ATP2B2: variants seen among roughly 807,000 people sequenced by gnomAD.
ATP2B2 encodes the protein plasma membrane calcium-transporting ATPase 2.
ATP2B2 carries 15 observed loss-of-function variants against 120.0 expected under a neutral mutation model. The ratio of observed to expected loss-of-function variants is 0.12; its 90% CI spans 0.08 to 0.19. ATP2B2 has a LOEUF of 0.19. Among genes scored for constraint, ATP2B2 ranks in the 10% least tolerant of loss-of-function variants. ATP2B2 has a pLI of 1.00. For missense variants in ATP2B2, 1,045 were observed against 1,719.8 expected (o/e 0.61, Z 6.94); for synonymous variants, 694 against 700.3 (o/e 0.99, Z 0.14).
Position 10,649,600 on chromosome 3 carries a change from G to T in ATP2B2, c.-459-29639C>A, listed in dbSNP as rs1423517384. Among the ~76,000 whole-genome samples, 3 of 152,172 alleles carry T rather than the reference G, an allele frequency of 2.0e-5. No individual in the cohort carries two copies. In the South Asian group the frequency reaches 6.2e-4, roughly 32 times the overall value. On this transcript the variant is annotated intron_variant, in intron 1 of 21. Transcript: ENST00000646379. ...TCTGACCTCAGCTCAGGAAGGGAGGGGATGAGATGGATGGGTGAATGGACA... is the reference window on the plus strand; with the variant it reads ...TCTGACCTCAGCTCAGGAAGGGAGGTGATGAGATGGATGGGTGAATGGACA...
intron 2 of ATP2B2, among the ~76,000 whole-genome samples, chr3:10,560,847 C>T (rs1341038369): frequency 3.9e-5 from 6 of 152,190 alleles, no homozygotes; most frequent in African/African-American, 9.7e-5. Context: ...TCCCCAGCCC[C>T]TCACAGCACC....
intron 3 of ATP2B2, among the ~76,000 whole-genome samples, chr3:10,403,789 A>AC (rs1434953241): frequency 6.6e-6 from 1 of 152,184 alleles, no homozygotes; most frequent in African/African-American, 2.4e-5. Context: ...CTGTTCAGAG[A>AC]GAAGCAGAGA....
At chr3:10,422,151 C>T (rs1171754711) in intron 2 of ATP2B2, among the ~76,000 whole-genome samples, 4 of 152,162 alleles carry the variant, frequency 2.6e-5, no homozygotes, top group Non-Finnish European at 5.9e-5. Flanking sequence ...AGGAAACCTC[C>T]CCTGGCTCCT....
intron 3 of ATP2B2, among the ~76,000 whole-genome samples, chr3:10,517,005 G>T (rs1182771867): frequency 6.6e-6 from 1 of 151,896 alleles, no homozygotes; most frequent in African/African-American, 2.4e-5. Context: ...AAAGCCACAG[G>T]CATGCTATTT....
At chr3:10,656,472 C>T (rs1000017550) in intron 1 of ATP2B2, among the ~76,000 whole-genome samples, 4 of 152,178 alleles carry the variant, frequency 2.6e-5, no homozygotes, top group African/African-American at 9.7e-5. Context: ...ACTCAGAGGA[C>T]GATGTCCAAA....
chr3:10,371,983 G>A lies in ATP2B2; in HGVS notation c.1485C>T (p.Ala495=). Residue 495 remains alanine, a synonymous_variant, in exon 12 of 23, where the codon GCC becomes GCT. Coordinates refer to ENST00000360273, the MANE Select transcript of ATP2B2 (RefSeq NM_001001331.4). ...DACETMGNAT[A]ICSDKTGTLT... Reference sequence around the variant, plus strand: ...GCGTGCCTGTCTTGTCTGAGCAGATGGCTGTGGCATTGCCCATGGTCTCAC... The same window carrying A: ...GCGTGCCTGTCTTGTCTGAGCAGATAGCTGTGGCATTGCCCATGGTCTCAC... The A allele has an allele frequency of 6.2e-7, 1 of 1,614,228 alleles. No homozygotes were observed. Among genetic ancestry groups the A allele is most frequent in the Non-Finnish European group, 8.5e-7 (1 of 1,180,044 alleles).
At chr3:10,425,136 A>G (rs1020784637) in intron 2 of ATP2B2, among the ~76,000 whole-genome samples, 1 of 147,694 alleles carries the variant, frequency 6.8e-6, no homozygotes, top group Non-Finnish European at 1.5e-5. Flanking sequence ...ACTAAAATAT[A>G]TATATATACG....
chr3:10,365,979 C>T (rs2061044039), intron 12 of ATP2B2, among the ~76,000 whole-genome samples: 1 of 149,940 alleles, frequency 6.7e-6, no homozygotes, highest in Non-Finnish European at 1.5e-5. Context: ...CGGTGTTCGC[C>T]AAAAAAACCA....
At chr3:10,584,252 G>C (rs2068456568) in intron 2 of ATP2B2, among the ~76,000 whole-genome samples, 1 of 152,206 alleles carries the variant, frequency 6.6e-6, no homozygotes, top group Non-Finnish European at 1.5e-5. Context: ...GGCAGGAATG[G>C]GGACCAGGAG....
At chr3:10,355,070 A>G (rs703907) in intron 14 of ATP2B2, among the ~76,000 whole-genome samples, 20,275 of 151,496 alleles carry the variant, frequency 0.13, 1,837 homozygotes, top group East Asian at 0.4. Flanking sequence ...GGCAGGAATG[A>G]CCTACCTAAA....
chr3:10,651,761 ATG>A (rs2070472016), intron 1 of ATP2B2, among the ~76,000 whole-genome samples: 1 of 151,836 alleles, frequency 6.6e-6, no homozygotes, highest in Non-Finnish European at 1.5e-5. Context: ...GGATGGATGG[ATG>A]GATGGATGGA....
At chr3:10,458,684 G>A (rs2064362412) in intron 1 of ATP2B2, among the ~76,000 whole-genome samples, 1 of 151,716 alleles carries the variant, frequency 6.6e-6, no homozygotes, top group South Asian at 2.1e-4. Context: ...TTTGATCTTG[G>A]TGTGATGACT....
In ATP2B2 at chr3:10,410,818, G is replaced by T; in HGVS notation, c.200-3C>A. On this transcript the variant is annotated splice_region_variant and splice_polypyrimidine_tract_variant and intron_variant, in intron 2 of 22. Coordinates refer to ENST00000360273, the MANE Select transcript of ATP2B2 (RefSeq NM_001001331.4). Reference sequence around the variant, plus strand: ...GTCTGGAGCGGTGCCCGGCAAACCTGTGGACAGAGAACAGAGAGGTTGGCT... The same window carrying T: ...GTCTGGAGCGGTGCCCGGCAAACCTTTGGACAGAGAACAGAGAGGTTGGCT... 1 of 1,613,502 alleles carries T rather than the reference G, an allele frequency of 6.2e-7. No individual in the cohort carries two copies. The highest frequency in any genetic ancestry group is 8.5e-7 in the Non-Finnish European group (1 of 1,180,022).
At chr3:10,612,433 GCCTGGGGAC>G (rs1486142602) in intron 2 of ATP2B2, among the ~76,000 whole-genome samples, 1 of 152,052 alleles carries the variant, frequency 6.6e-6, no homozygotes, top group African/African-American at 2.4e-5. Flanking sequence ...CAAAGCACTT[GCCTGGGGAC>G]CCCTGCGTAC....
chr3:10,436,729 G>C (rs2063491765), intron 2 of ATP2B2, among the ~76,000 whole-genome samples: 1 of 152,210 alleles, frequency 6.6e-6, no homozygotes, highest in African/African-American at 2.4e-5. Flanking sequence ...ATGCTGCCCA[G>C]TCAGCTTCTG....
intron 1 of ATP2B2, among the ~76,000 whole-genome samples, chr3:10,623,604 A>T (rs1348040197): frequency 6.6e-6 from 1 of 152,198 alleles, no homozygotes; most frequent in Non-Finnish European, 1.5e-5. Context: ...TCAGGGACTA[A>T]TCTCCTTGGG....
At chr3:10,436,812 C>T (rs914115667) in intron 2 of ATP2B2, among the ~76,000 whole-genome samples, 7 of 152,216 alleles carry the variant, frequency 4.6e-5, no homozygotes, top group Admixed American at 6.5e-5. Context: ...AAAGAACCAT[C>T]ACCCCAGTCT....
chr3:10,460,623 T>C (rs2064448539), intron 1 of ATP2B2, among the ~76,000 whole-genome samples: 1 of 152,174 alleles, frequency 6.6e-6, no homozygotes, highest in Non-Finnish European at 1.5e-5. Context: ...TTAGTGCTGA[T>C]GCTCAAAGCC....
intron 2 of ATP2B2, among the ~76,000 whole-genome samples, chr3:10,422,298 C>T (rs2063007195): frequency 6.6e-6 from 1 of 152,244 alleles, no homozygotes; most frequent in African/African-American, 2.4e-5. Flanking sequence ...TGTGGGAAAA[C>T]AGCTTGTGTT....
Sources: gnomAD v4.1 joint callset for allele counts (sites outside exome capture counted in the v4.1 genomes callset) on GRCh38, gnomAD v4.1.1 for gene constraint, MANE v1.5 for transcripts, NCBI Gene and HGNC (gene_info 2026-07-23, HGNC 2026-07-21) for gene names.